Variants in ALPK2 observed in about 807,000 individuals in gnomAD.
ALPK2 encodes alpha-protein kinase 2.
Under a neutral mutation model 163.1 loss-of-function variants are expected in ALPK2, and 127 were observed. The ratio of observed to expected loss-of-function variants is 0.78; its 90% CI spans 0.67 to 0.90. The LOEUF (loss-of-function observed/expected upper bound fraction) is 0.90. Among genes scored for constraint, ALPK2 ranks in the 40% least tolerant of loss-of-function variants. The pLI, the probability that ALPK2 is intolerant of heterozygous loss-of-function variation, is 0.00. For synonymous variants in ALPK2, 953 were observed against 959.1 expected (o/e 0.99, Z 0.12); for missense variants, 2,360 against 2,589.6 (o/e 0.91, Z 1.92).
chr18:58,495,575 G>T (rs1190989733), intron 12 of ALPK2, among the ~76,000 whole-genome samples: 1 of 152,162 alleles, frequency 6.6e-6, no homozygotes, highest in African/African-American at 2.4e-5. Flanking sequence ...AGTCGGTCTG[G>T]GTTCCTGGAA....
At chr18:58,530,594 T>G (rs1318440809) in intron 5 of ALPK2, among the ~76,000 whole-genome samples, 1 of 152,186 alleles carries the variant, frequency 6.6e-6, no homozygotes, top group East Asian at 1.9e-4. Context: ...TTCCTAAGCC[T>G]GCCAGAACCT....
chr18:58,513,174 GGTGT>G (rs1210788942), intron 10 of ALPK2, among the ~76,000 whole-genome samples: 1 of 150,734 alleles, frequency 6.6e-6, no homozygotes, highest in Non-Finnish European at 1.5e-5. Flanking sequence ...GTGTGTGTGG[GGTGT>G]GTGTTTGTGT....
chr18:58,486,330 CTCCAG>C (rs2051338810), intron 12 of ALPK2, among the ~76,000 whole-genome samples: 1 of 152,180 alleles, frequency 6.6e-6, no homozygotes, highest in Non-Finnish European at 1.5e-5. Context: ...CGAGCCCCAG[CTCCAG>C]TGGGCTCTCT....
chr18:58,512,766 ATGTGTGTGG>A lies in ALPK2; in HGVS notation c.6029+2218_6029+2226del, dbSNP rs1175831127. Among the ~76,000 whole-genome samples the A allele has an allele frequency of 2.5e-4, 27 of 107,714 alleles. No homozygotes were observed. In the South Asian group the frequency reaches 3.2e-3, roughly 13 times the overall value. The allele number at this position is 107,714 out of a possible 152,430, so 70.7% of individuals were successfully genotyped here. ...TGTGGTGTGTGTTGTGTGTATGTGT[ATGTGTGTGG>A]TGTGTGTGGTGTGTGGGGGTGTGTG... On this transcript the variant is annotated intron_variant, in intron 10 of 12. Coordinates refer to ENST00000361673, the MANE Select transcript of ALPK2 (RefSeq NM_052947.4).
At position 58,481,564 on chromosome 18, in the gene ALPK2, A is replaced by G. The variant is rs1129928; in HGVS notation, c.*259T>C. 373,827 of 492,538 alleles carry G rather than the reference A, an allele frequency of 0.76. 143,731 individuals are homozygous for G. Among genetic ancestry groups the G allele is most frequent in the East Asian group, 0.99 (26,760 of 27,068 alleles). The allele number at this position is 492,538 out of a possible 1,614,324, so 30.5% of individuals were successfully genotyped here. On this transcript the variant is annotated 3_prime_UTR_variant, in exon 13 of 13. Transcript: ENST00000361673. ...TGTGAGGTTGGTAAAAATGCTAAAC[A>G]TGTATATAAAGAATGGACTGTCTTT... is the stretch of plus-strand genomic sequence containing the variant.
In ALPK2 at chr18:58,498,114, CA is replaced by C; in HGVS notation, c.6248-18del. On this transcript the variant is annotated intron_variant, in intron 11 of 12. Transcript: ENST00000361673. ...TTCCTACACCTACAGGAAGAGAAAG[CA>C]AAGATGGGAGTTTGTGTTACTCAGG... The C allele has an allele frequency of 6.2e-7, 1 of 1,613,968 alleles. No homozygotes were observed. The highest frequency in any genetic ancestry group is 8.5e-7 in the Non-Finnish European group (1 of 1,179,894).
intron 1 of ALPK2, among the ~76,000 whole-genome samples, chr18:58,615,286 G>A (rs777228898): frequency 1.3e-5 from 2 of 152,048 alleles, no homozygotes; most frequent in Non-Finnish European, 2.9e-5. Context: ...ATATTCCTAG[G>A]GAAGTTACTC....
chr18:58,560,614 A>C (rs1179448276), intron 4 of ALPK2, among the ~76,000 whole-genome samples: 1 of 152,230 alleles, frequency 6.6e-6, no homozygotes, highest in Admixed American at 6.5e-5. Flanking sequence ...TGATAACCTC[A>C]ATCACATCTG....
chr18:58,532,282 A>G (rs79715914), intron 5 of ALPK2, among the ~76,000 whole-genome samples: 1,870 of 152,352 alleles, frequency 0.012, 39 homozygotes, highest in African/African-American at 0.043. Context: ...AGTGGGTGCC[A>G]GTGTTCCAGA....
chr18:58,518,223 TTTCTC>T (rs2051532522), intron 8 of ALPK2, among the ~76,000 whole-genome samples: 1 of 152,260 alleles, frequency 6.6e-6, no homozygotes, highest in Admixed American at 6.5e-5. Flanking sequence ...AGGAAATATT[TTTCTC>T]TTCTTTTCAA....
intron 12 of ALPK2, among the ~76,000 whole-genome samples, chr18:58,484,712 C>T (rs1377496643): frequency 6.6e-6 from 1 of 152,026 alleles, no homozygotes; most frequent in Admixed American, 6.6e-5. Context: ...CCACTGCACT[C>T]CAGTCTGGCG....
intron 8 of ALPK2, among the ~76,000 whole-genome samples, chr18:58,522,548 A>G (rs1269807669): frequency 6.6e-6 from 1 of 152,226 alleles, no homozygotes; most frequent in Non-Finnish European, 1.5e-5. Context: ...CCAGGTGCCA[A>G]AAGAAAGCAG....
intron 10 of ALPK2, among the ~76,000 whole-genome samples, chr18:58,513,304 AT>A (rs756324718): frequency 1.3e-5 from 2 of 151,696 alleles, no homozygotes; most frequent in Non-Finnish European, 2.9e-5. Flanking sequence ...GAGTCCTCTG[AT>A]TTAGGTTCCA....
chr18:58,571,427 G>GAAAAAAAAAAAAAAAAAAAAAAA (rs77059313), intron 4 of ALPK2, among the ~76,000 whole-genome samples: 1 of 108,732 alleles, frequency 9.2e-6, no homozygotes. Flanking sequence ...ACATCCACAG[G>GAAAAAAAAAAAAAAAAAAAAAAA]AAAAAAAAAA....
chr18:58,555,186 G>A (rs148382452), intron 4 of ALPK2, among the ~76,000 whole-genome samples: 254 of 152,308 alleles, frequency 1.7e-3, no homozygotes, highest in African/African-American at 5.4e-3. Flanking sequence ...AAAACTGCAA[G>A]TTCGAGTTGT....
At chr18:58,599,623 A>C (rs1368740152) in intron 3 of ALPK2, among the ~76,000 whole-genome samples, 1 of 152,232 alleles carries the variant, frequency 6.6e-6, no homozygotes, top group African/African-American at 2.4e-5. Flanking sequence ...AAAGAGAAAT[A>C]GCAGAGGGGA....
chr18:58,564,104 C>A (rs142649434), intron 4 of ALPK2, among the ~76,000 whole-genome samples: 1 of 133,936 alleles, frequency 7.5e-6, no homozygotes, highest in South Asian at 2.5e-4. Context: ...TCATGAATTG[C>A]GTATTTGATG....
intron 3 of ALPK2, among the ~76,000 whole-genome samples, chr18:58,604,112 A>G (rs1278636385): frequency 1.3e-5 from 2 of 152,210 alleles, no homozygotes; most frequent in Non-Finnish European, 2.9e-5. Flanking sequence ...GCCTCCAAGC[A>G]GAACTGCAGA....
intron 12 of ALPK2, among the ~76,000 whole-genome samples, chr18:58,485,244 T>C (rs934117024): frequency 3.9e-5 from 6 of 152,222 alleles, no homozygotes; most frequent in African/African-American, 1.4e-4. Context: ...GCTGGCATGT[T>C]GCGGATTCTG....
Sources: gnomAD v4.1 joint callset for allele counts (sites outside exome capture counted in the v4.1 genomes callset) on GRCh38, gnomAD v4.1.1 for gene constraint, MANE v1.5 for transcripts, NCBI Gene and HGNC (gene_info 2026-07-23, HGNC 2026-07-21) for gene names.